The following KCNIP4 variants were observed in gnomAD, a reference collection of about 807,000 sequenced individuals.
KCNIP4 encodes the protein Kv channel-interacting protein 4.
KCNIP4 carries 12 observed loss-of-function variants against 34.0 expected under a neutral mutation model. That is an observed-to-expected ratio of 0.35 (90% CI 0.23 to 0.57). KCNIP4 has a LOEUF of 0.57. Among genes scored for constraint, KCNIP4 ranks in the 20% least tolerant of loss-of-function variants. The pLI, the probability that KCNIP4 is intolerant of heterozygous loss-of-function variation, is 0.83. For synonymous variants in KCNIP4, 124 were observed against 102.2 expected, an observed-to-expected ratio of 1.21 and a Z score of -1.29; for missense variants, 238 against 311.7, an observed-to-expected ratio of 0.76 and a Z score of 1.78.
intron 1 of KCNIP4, among the ~76,000 whole-genome samples, chr4:21,898,203 G>GC (rs1727506062): frequency 6.6e-6 from 1 of 152,102 alleles, no homozygotes. Context: ...GGCGGTATAG[G>GC]CCCCAGTTGC....
At chr4:21,038,528 C>T (rs1741663915) in intron 1 of KCNIP4, among the ~76,000 whole-genome samples, 1 of 152,124 alleles carries the variant, frequency 6.6e-6, no homozygotes, top group South Asian at 2.1e-4. Context: ...CACACAGATA[C>T]TTCCCAGTTC....
At chr4:21,540,395 C>T (rs1350295063) in intron 1 of KCNIP4, among the ~76,000 whole-genome samples, 2 of 152,100 alleles carry the variant, frequency 1.3e-5, no homozygotes, top group Non-Finnish European at 2.9e-5. Flanking sequence ...AGTTTTCTAA[C>T]AGTGAGCCAC....
In KCNIP4 at chr4:20,946,417, G is replaced by A. The variant is rs573446394; in HGVS notation, c.62-63708C>T. Among the ~76,000 whole-genome samples, 258 of 152,246 alleles carry A rather than the reference G, an allele frequency of 1.7e-3. 1 individual carries two copies. The highest frequency in any genetic ancestry group is 5.9e-3 in the African/African-American group (246 of 41,556). The stretch of plus-strand genomic sequence containing the variant: ...GAGAAGGCCTGAGTGGTCAGATGGT[G>A]GTGAGCAAATGCAGAAGACGAGTTA... On this transcript the variant is annotated intron_variant, in intron 1 of 8. Transcript: ENST00000382152.
intron 2 of KCNIP4, among the ~76,000 whole-genome samples, chr4:20,860,586 C>T (rs1181313689): frequency 6.6e-6 from 1 of 152,160 alleles, no homozygotes; most frequent in Non-Finnish European, 1.5e-5. Context: ...ACTTATATTG[C>T]TTTATCTCAT....
At chr4:21,082,954 A>G (rs1431292989) in intron 1 of KCNIP4, among the ~76,000 whole-genome samples, 1 of 151,848 alleles carries the variant, frequency 6.6e-6, no homozygotes, top group Non-Finnish European at 1.5e-5. Context: ...TTACATAAGT[A>G]GTAAAGTAAC....
intron 1 of KCNIP4, among the ~76,000 whole-genome samples, chr4:21,493,855 G>A (rs115228777): frequency 1.6e-3 from 251 of 152,252 alleles, no homozygotes; most frequent in African/African-American, 5.7e-3. Flanking sequence ...ATATCACTTA[G>A]GCAACCTCAA....
intron 1 of KCNIP4, among the ~76,000 whole-genome samples, chr4:20,902,972 C>T (rs896418294): frequency 8.5e-5 from 13 of 152,108 alleles, no homozygotes; most frequent in African/African-American, 2.9e-4. Flanking sequence ...ATAGAGATGA[C>T]TTATTTAATA....
chr4:21,628,240 C>A (rs1745470543), intron 1 of KCNIP4, among the ~76,000 whole-genome samples: 1 of 152,136 alleles, frequency 6.6e-6, no homozygotes, highest in Admixed American at 6.6e-5. Flanking sequence ...ATTCTAAATT[C>A]TGACTATTAA....
intron 1 of KCNIP4, among the ~76,000 whole-genome samples, chr4:21,429,473 G>A (rs1726245807): frequency 6.6e-6 from 1 of 151,992 alleles, no homozygotes; most frequent in Admixed American, 6.6e-5. Context: ...TGTAGACATA[G>A]GTTTTCAGCT....
intron 1 of KCNIP4, among the ~76,000 whole-genome samples, chr4:21,513,748 G>A (rs959153399): frequency 2.0e-5 from 3 of 152,128 alleles, no homozygotes; most frequent in South Asian, 4.2e-4. Flanking sequence ...CTCTTTCAAC[G>A]TTGCTACTTT....
At chr4:20,994,538 G>C (rs2149709802) in intron 1 of KCNIP4, among the ~76,000 whole-genome samples, 1 of 152,330 alleles carries the variant, frequency 6.6e-6, no homozygotes, top group African/African-American at 2.4e-5. Context: ...AAACAATTTA[G>C]AGTGTATAAA....
At chr4:21,363,474 A>G (rs1394524823) in intron 1 of KCNIP4, among the ~76,000 whole-genome samples, 3 of 152,144 alleles carry the variant, frequency 2.0e-5, no homozygotes, top group African/African-American at 7.2e-5. Context: ...TTTGTAACCA[A>G]CTGCATCAAC....
chr4:21,348,943 T>C (rs1717731741), intron 1 of KCNIP4, among the ~76,000 whole-genome samples: 1 of 151,970 alleles, frequency 6.6e-6, no homozygotes, highest in Non-Finnish European at 1.5e-5. Flanking sequence ...GCTGGCCAGG[T>C]GGAACAAATG....
chr4:20,788,366 T>G (rs1235577656), intron 3 of KCNIP4, among the ~76,000 whole-genome samples: 1 of 152,154 alleles, frequency 6.6e-6, no homozygotes, highest in Non-Finnish European at 1.5e-5. Flanking sequence ...CAGTTGCTAT[T>G]TTTCTATTTA....
chr4:21,252,875 TA>T (rs1347538992), intron 1 of KCNIP4, among the ~76,000 whole-genome samples: 1 of 151,684 alleles, frequency 6.6e-6, no homozygotes, highest in Non-Finnish European at 1.5e-5. Flanking sequence ...GGTCCCATCC[TA>T]AAAGATAAGC....
At chr4:21,846,226 A>G (rs1209900912) in intron 1 of KCNIP4, 2 of 152,134 alleles carry the variant, frequency 1.3e-5, no homozygotes, top group Non-Finnish European at 2.9e-5. Context: ...ACCAACATTA[A>G]TGTTCTAATT....
At chr4:21,764,441 G>A (rs1443303672) in intron 1 of KCNIP4, among the ~76,000 whole-genome samples, 1 of 152,010 alleles carries the variant, frequency 6.6e-6, no homozygotes, top group Admixed American at 6.6e-5. Context: ...AGTGAGCCTT[G>A]GGCTATATCA....
intron 1 of KCNIP4, among the ~76,000 whole-genome samples, chr4:21,015,892 T>C (rs1031483415): frequency 1.4e-5 from 2 of 141,820 alleles, no homozygotes; most frequent in African/African-American, 5.1e-5. Context: ...ATATACAATA[T>C]ATACAATATA....
intron 2 of KCNIP4, among the ~76,000 whole-genome samples, chr4:20,855,296 G>A (rs552147226): frequency 3.3e-5 from 5 of 152,250 alleles, no homozygotes; most frequent in African/African-American, 1.2e-4. Flanking sequence ...CACCTCAGAT[G>A]AGGAACTTAG....
Sources: gnomAD v4.1 joint callset for allele counts (sites outside exome capture counted in the v4.1 genomes callset) on GRCh38, gnomAD v4.1.1 for gene constraint, MANE v1.5 for transcripts, NCBI Gene and HGNC (gene_info 2026-07-23, HGNC 2026-07-21) for gene names.